Variants in SPMAP2L observed in about 807,000 individuals in gnomAD.
SPMAP2L encodes sperm microtubule associated protein 2 like, also known as sperm microtubule associated protein 2-like.
chr4:56,577,777 G>A, the SPMAP2L span, among the ~76,000 whole-genome samples: 1 of 152,156 alleles, frequency 6.6e-6, no homozygotes, highest in East Asian at 1.9e-4. Flanking sequence ...CAGACTAAGT[G>A]AAAGGACAGT....
chr4:56,595,789 A>G, the SPMAP2L span: 1 of 785,342 alleles, frequency 1.3e-6, no homozygotes, highest in African/African-American at 1.7e-5. Flanking sequence ...AGCAAGAAAG[A>G]TTTCATCTCC....
chr4:56,596,704 G>A, the SPMAP2L span: 4 of 1,373,664 alleles, frequency 2.9e-6, no homozygotes, highest in East Asian at 5.6e-5. Flanking sequence ...TGCCTCTACA[G>A]GGCATAGCCC....
the SPMAP2L span, among the ~76,000 whole-genome samples, chr4:56,542,120 A>G: frequency 6.6e-6 from 1 of 152,384 alleles, no homozygotes; most frequent in East Asian, 1.9e-4. Context: ...AAAGACAATG[A>G]AAACGCAGAG....
chr4:56,603,760 A>C, the SPMAP2L span, among the ~76,000 whole-genome samples: 1 of 152,170 alleles, frequency 6.6e-6, no homozygotes, highest in South Asian at 2.1e-4. Flanking sequence ...GTGTTATTTC[A>C]GCATCCCCTT....
At chr4:56,600,097 C>CTTTCTTTTTTTTTTTTTTTTTTTTTT in the SPMAP2L span, among the ~76,000 whole-genome samples, 2 of 87,782 alleles carry the variant, frequency 2.3e-5, no homozygotes, top group African/African-American at 1.0e-4. Context: ...TCTTTGCTTT[C>CTTTCTTTTTTTTTTTTTTTTTTTTTT]TTTTTTTTTT....
At chr4:56,547,625 C>A in the SPMAP2L span, among the ~76,000 whole-genome samples, 1 of 152,164 alleles carries the variant, frequency 6.6e-6, no homozygotes, top group African/African-American at 2.4e-5. Flanking sequence ...AATTAATTTA[C>A]CCAAGATTGT....
the SPMAP2L span, among the ~76,000 whole-genome samples, chr4:56,539,649 T>C: frequency 6.6e-6 from 1 of 152,178 alleles, no homozygotes; most frequent in Non-Finnish European, 1.5e-5. Flanking sequence ...CTCAAACTCC[T>C]GACCTCAAGT....
At chr4:56,622,367 T>C in the SPMAP2L span, among the ~76,000 whole-genome samples, 5 of 152,214 alleles carry the variant, frequency 3.3e-5, no homozygotes, top group Admixed American at 1.3e-4. Context: ...CTCGCACCCA[T>C]TGCCAAAATA....
At chr4:56,593,491 G>A in the SPMAP2L span, 9 of 1,599,258 alleles carry the variant, frequency 5.6e-6, no homozygotes, top group African/African-American at 5.4e-5. Flanking sequence ...TACGGAACTC[G>A]TGGAGAGAGC....
chr4:56,540,602 GAA>G, the SPMAP2L span, among the ~76,000 whole-genome samples: 1 of 150,636 alleles, frequency 6.6e-6, no homozygotes, highest in Admixed American at 6.6e-5. Flanking sequence ...AAGAAAGAAA[GAA>G]AGAGAGAGAA....
chr4:56,537,952 C>G, the SPMAP2L span, among the ~76,000 whole-genome samples: 1 of 152,132 alleles, frequency 6.6e-6, no homozygotes, highest in Non-Finnish European at 1.5e-5. Context: ...CTCGGCCCCC[C>G]AAAGTGCTGG....
At chr4:56,619,198 C>A in the SPMAP2L span, among the ~76,000 whole-genome samples, 1 of 152,196 alleles carries the variant, frequency 6.6e-6, no homozygotes, top group African/African-American at 2.4e-5. Flanking sequence ...AATGTGGTTT[C>A]TCTCTCTGTG....
chr4:56,607,345 T>C, the SPMAP2L span, among the ~76,000 whole-genome samples: 1 of 152,212 alleles, frequency 6.6e-6, no homozygotes, highest in Non-Finnish European at 1.5e-5. Flanking sequence ...CCGAATCTAT[T>C]GGCACCTTGA....
chr4:56,558,294 G>C, the SPMAP2L span, among the ~76,000 whole-genome samples: 2 of 152,056 alleles, frequency 1.3e-5, no homozygotes, highest in African/African-American at 4.8e-5. Context: ...TGACTGTAGA[G>C]TCTCTGCTGT....
chr4:56,573,429 G>A, the SPMAP2L span, among the ~76,000 whole-genome samples: 1 of 152,116 alleles, frequency 6.6e-6, no homozygotes, highest in Non-Finnish European at 1.5e-5. Context: ...GTTGTCTCTG[G>A]TGTCTTCTTT....
At chr4:56,607,881 A>G in the SPMAP2L span, among the ~76,000 whole-genome samples, 1 of 151,834 alleles carries the variant, frequency 6.6e-6, no homozygotes, top group Admixed American at 6.6e-5. Context: ...CCTGTAGTCC[A>G]AGCTACTCAG....
At chr4:56,616,017 T>C in the SPMAP2L span, among the ~76,000 whole-genome samples, 2 of 152,302 alleles carry the variant, frequency 1.3e-5, no homozygotes, top group South Asian at 4.1e-4. Context: ...TTAGTAGATC[T>C]GAATTGGGGC....
the SPMAP2L span, among the ~76,000 whole-genome samples, chr4:56,598,982 G>A: frequency 8.6e-5 from 13 of 152,034 alleles, no homozygotes; most frequent in Non-Finnish European, 1.0e-4. Context: ...TCTTGCCCCC[G>A]ACCATGTAAG....
At chr4:56,570,299 A>G in the SPMAP2L span, among the ~76,000 whole-genome samples, 2 of 152,180 alleles carry the variant, frequency 1.3e-5, no homozygotes, top group Non-Finnish European at 2.9e-5. Flanking sequence ...GTTATGCGTT[A>G]CTTAATGACA....
Sources: gnomAD v4.1 joint callset for allele counts (sites outside exome capture counted in the v4.1 genomes callset) on GRCh38, gnomAD v4.1.1 for gene constraint, MANE v1.5 for transcripts, NCBI Gene and HGNC (gene_info 2026-07-23, HGNC 2026-07-21) for gene names.